Variants in SKIC8 observed in about 807,000 individuals in gnomAD.
The protein encoded by SKIC8 is superkiller complex protein 8.
the SKIC8 span, chr15:78,291,353 A>T: frequency 6.6e-6 from 1 of 152,142 alleles, no homozygotes; most frequent in Non-Finnish European, 1.5e-5. Flanking sequence ...TTTTCTTAAG[A>T]CCATGCTTAT....
chr15:78,295,085 T>C, the SKIC8 span: 7 of 1,285,740 alleles, frequency 5.4e-6, no homozygotes, highest in Non-Finnish European at 7.8e-6. Flanking sequence ...TGTTAGTTAC[T>C]TCCTCTGCTG....
At chr15:78,287,215 A>C in the SKIC8 span, among the ~76,000 whole-genome samples, 1 of 152,220 alleles carries the variant, frequency 6.6e-6, no homozygotes, top group South Asian at 2.1e-4. Flanking sequence ...TAGAAATCAT[A>C]AAGTCACAAA....
the SKIC8 span, chr15:78,294,825 A>G: frequency 3.6e-6 from 4 of 1,119,940 alleles, no homozygotes; most frequent in Non-Finnish European, 5.2e-6. Context: ...TCAGCTGCCA[A>G]TTCTTCTGCA....
chr15:78,296,965 G>C, the SKIC8 span, among the ~76,000 whole-genome samples: 5 of 152,262 alleles, frequency 3.3e-5, no homozygotes, highest in East Asian at 7.7e-4. Context: ...AAGCCTCTGG[G>C]CACATTCTTG....
the SKIC8 span, among the ~76,000 whole-genome samples, chr15:78,288,086 C>A: frequency 1.3e-5 from 2 of 152,166 alleles, no homozygotes; most frequent in East Asian, 3.9e-4. Context: ...TACCAGGGAA[C>A]CCATGCACAT....
chr15:78,289,872 A>G, the SKIC8 span: 1 of 1,570,680 alleles, frequency 6.4e-7, no homozygotes, highest in South Asian at 1.2e-5. Context: ...CCAAGACAGA[A>G]TCTGTGGCAA....
At chr15:78,298,988 C>T in the SKIC8 span, among the ~76,000 whole-genome samples, 1 of 152,160 alleles carries the variant, frequency 6.6e-6, no homozygotes, top group Middle Eastern at 3.2e-3. Flanking sequence ...TAGACCTTAG[C>T]CCTCTCTTGC....
chr15:78,289,725 C>T, the SKIC8 span: 23 of 1,610,608 alleles, frequency 1.4e-5, no homozygotes, highest in Non-Finnish European at 2.0e-5. Flanking sequence ...GTTCAGAGAA[C>T]ATATGGAGAA....
At chr15:78,289,281 T>G in the SKIC8 span, among the ~76,000 whole-genome samples, 8 of 152,094 alleles carry the variant, frequency 5.3e-5, no homozygotes, top group Admixed American at 2.0e-4. Context: ...GACATCGTGG[T>G]GTGCACCTGT....
At chr15:78,290,176 AG>A in the SKIC8 span, 65 of 1,455,234 alleles carry the variant, frequency 4.5e-5, no homozygotes, top group Non-Finnish European at 5.8e-5. Context: ...GTTTTACCAA[AG>A]GATACATCTT....
At chr15:78,287,367 AC>A in the SKIC8 span, among the ~76,000 whole-genome samples, 1 of 152,336 alleles carries the variant, frequency 6.6e-6, no homozygotes, top group South Asian at 2.1e-4. Flanking sequence ...CTAGCTGATA[AC>A]CTTTTGCCAG....
chr15:78,288,684 G>A, the SKIC8 span, among the ~76,000 whole-genome samples: 168 of 152,226 alleles, frequency 1.1e-3, no homozygotes, highest in African/African-American at 4.0e-3. Flanking sequence ...CATTGCTCCT[G>A]ATTTGTAAGG....
At chr15:78,286,330 T>C in the SKIC8 span, 1 of 544,226 alleles carries the variant, frequency 1.8e-6, no homozygotes, top group Non-Finnish European at 3.3e-6. Flanking sequence ...AATAGTAGCA[T>C]TAACCCATAA....
the SKIC8 span, chr15:78,295,371 T>C: frequency 1.7e-6 from 1 of 602,606 alleles, no homozygotes; most frequent in Non-Finnish European, 2.9e-6. Flanking sequence ...TACAAAGATA[T>C]GTTTCTCCTG....
the SKIC8 span, chr15:78,288,152 G>C: frequency 3.7e-6 from 3 of 809,018 alleles, no homozygotes; most frequent in African/African-American, 1.7e-5. Flanking sequence ...GAACGGGGGA[G>C]GACCGCCTGG....
the SKIC8 span, chr15:78,285,336 C>G: frequency 6.2e-7 from 1 of 1,614,134 alleles, no homozygotes; most frequent in South Asian, 1.1e-5. Flanking sequence ...TTTTGTCAGA[C>G]GAACTATTTT....
chr15:78,295,707 G>A, the SKIC8 span: 2 of 1,547,512 alleles, frequency 1.3e-6, no homozygotes, highest in Non-Finnish European at 1.7e-6. Context: ...AAGGATCAAG[G>A]ACAAAAGGCC....
chr15:78,293,989 G>A, the SKIC8 span, among the ~76,000 whole-genome samples: 3 of 152,146 alleles, frequency 2.0e-5, no homozygotes, highest in Admixed American at 2.0e-4. Context: ...GCACATGGAG[G>A]CTTTACCCCT....
the SKIC8 span, among the ~76,000 whole-genome samples, chr15:78,289,437 CAAA>C: frequency 6.6e-6 from 1 of 151,584 alleles, no homozygotes; most frequent in Admixed American, 6.6e-5. Flanking sequence ...AACAAAAAAA[CAAA>C]AAAACAAAAA....
Sources: allele counts gnomAD v4.1 joint callset (sites outside exome capture counted in the v4.1 genomes callset), GRCh38; gene constraint gnomAD v4.1.1; transcripts MANE v1.5; gene names NCBI Gene and HGNC (gene_info 2026-07-23, HGNC 2026-07-21).